Variants in CASS4 observed in about 807,000 individuals in gnomAD.
CASS4 encodes the protein Cas scaffold protein family member 4, also known as cas scaffolding protein family member 4.
CASS4 carries 22 observed loss-of-function variants against 54.2 expected under a neutral mutation model. That is an observed-to-expected ratio of 0.41 (90% CI 0.29 to 0.58). The LOEUF is 0.58. Ranked by LOEUF, CASS4 falls within the 20% of genes least tolerant of loss-of-function variation. The probability of loss-of-function intolerance (pLI) is 0.36; values close to 1 mark genes in which losing one functional copy is unlikely to be tolerated. For missense variants in CASS4, 854 were observed against 986.7 expected, an observed-to-expected ratio of 0.87 and a Z score of 1.80; for synonymous variants, 409 against 391.5, an observed-to-expected ratio of 1.04 and a Z score of -0.53.
rs533336238 is a variant in CASS4 at position 56,452,725 on chromosome 20, C to A, written c.1549C>A (p.Arg517=). ...LTDSNLQNRI[R]DQMQTISNSY... ...TGACAGTAACCTTCAGAACAGAATT[C>A]GGGACCAGATGCAGACCATCTCCAA... The change falls in exon 5 of 6, where the codon CGG becomes AGG. Residue 517 remains arginine (R), a synonymous_variant. Coordinates refer to ENST00000679887, the MANE Select transcript of CASS4 (RefSeq NM_020356.4). 1.1e-4 allele frequency: 175 copies of A among 1,614,084 alleles called. 2 individuals are homozygous for A. In the Middle Eastern group the frequency reaches 2.1e-3, roughly 20 times the overall value.
intron 1 of CASS4, among the ~76,000 whole-genome samples, chr20:56,428,912 G>T (rs1477300891): frequency 1.3e-5 from 2 of 151,076 alleles, no homozygotes; most frequent in Non-Finnish European, 2.9e-5. Flanking sequence ...AGCAATCAGT[G>T]TACCCCCCGA....
At chr20:56,422,877 T>A (rs1979473747) in intron 1 of CASS4, among the ~76,000 whole-genome samples, 2 of 152,252 alleles carry the variant, frequency 1.3e-5, no homozygotes, top group African/African-American at 4.8e-5. Flanking sequence ...TCCCTCCTCA[T>A]ATCCAAGTTC....
At chr20:56,416,379 G>A (rs993598459) in intron 1 of CASS4, among the ~76,000 whole-genome samples, 10 of 152,202 alleles carry the variant, frequency 6.6e-5, no homozygotes, top group African/African-American at 1.7e-4. Context: ...AACTAAAATT[G>A]TCTAAAAGAC....
intron 5 of CASS4, among the ~76,000 whole-genome samples, chr20:56,454,195 C>A (rs2024964): frequency 0.12 from 18,782 of 151,864 alleles, 3,250 homozygotes; most frequent in African/African-American, 0.38. Flanking sequence ...ACAACAACAA[C>A]AAAAAAACAA....
chr20:56,439,569 A>G (rs1271534052), intron 2 of CASS4, among the ~76,000 whole-genome samples: 1 of 151,768 alleles, frequency 6.6e-6, no homozygotes, highest in Non-Finnish European at 1.5e-5. Flanking sequence ...CCAGCTACTC[A>G]GGAGGCTGTG....
chr20:56,432,687 A>C (rs1021621595), intron 1 of CASS4, among the ~76,000 whole-genome samples: 3 of 152,024 alleles, frequency 2.0e-5, no homozygotes, highest in African/African-American at 7.3e-5. Flanking sequence ...ACCTTTAATC[A>C]ATACTCTTTA....
rs549667307 is a variant in CASS4, at chr20:56,449,650, T to TAATA, written c.562-935_562-932dup. Among the ~76,000 whole-genome samples the TAATA allele has an allele frequency of 2.0e-3, 310 of 151,546 alleles. 10 individuals carry two copies. The South Asian group carries it at 0.032, about 15-fold the overall frequency. ...ATTAAACTAATTACACAGATAAAAA[T>TAATA]AATAAATAAATAAATAATAAAATAA... On this transcript the variant is annotated intron_variant, in intron 3 of 5. Coordinates refer to ENST00000679887, the MANE Select transcript of CASS4 (RefSeq NM_020356.4).
intron 2 of CASS4, among the ~76,000 whole-genome samples, chr20:56,440,533 C>T (rs1417717673): frequency 6.6e-6 from 1 of 152,192 alleles, no homozygotes; most frequent in Non-Finnish European, 1.5e-5. Flanking sequence ...CCTCCCTGCT[C>T]ATGCCACTCA....
intron 5 of CASS4, among the ~76,000 whole-genome samples, chr20:56,454,947 TAA>T (rs1981219443): frequency 6.6e-6 from 1 of 152,182 alleles, no homozygotes; most frequent in Non-Finnish European, 1.5e-5. Context: ...AGTGAAGCAT[TAA>T]CCATTACTGA....
intron 2 of CASS4, among the ~76,000 whole-genome samples, chr20:56,443,841 A>G (rs1463281446): frequency 6.6e-6 from 1 of 152,138 alleles, no homozygotes; most frequent in Admixed American, 6.5e-5. Context: ...AGGGCCTGGG[A>G]ATCAAGGCTG....
intron 2 of CASS4, among the ~76,000 whole-genome samples, chr20:56,440,677 G>T (rs1264631134): frequency 6.6e-6 from 1 of 152,252 alleles, no homozygotes; most frequent in Non-Finnish European, 1.5e-5. Context: ...TGAAAGGAAA[G>T]ATGAGTTTAC....
At chr20:56,428,531 T>C (rs1169647926) in intron 1 of CASS4, among the ~76,000 whole-genome samples, 1 of 151,572 alleles carries the variant, frequency 6.6e-6, no homozygotes, top group East Asian at 1.9e-4. Context: ...GCCCAAGGAG[T>C]GATATTTTAA....
chr20:56,429,233 C>T (rs924864603), intron 1 of CASS4, among the ~76,000 whole-genome samples: 2 of 152,180 alleles, frequency 1.3e-5, no homozygotes, highest in African/African-American at 4.8e-5. Context: ...TGAAAGTGTG[C>T]GGGCCAGTTC....
chr20:56,440,351 T>G (rs1193537935), intron 2 of CASS4, among the ~76,000 whole-genome samples: 1 of 152,206 alleles, frequency 6.6e-6, no homozygotes, highest in East Asian at 1.9e-4. Context: ...TAACTTGAAT[T>G]TCTTCCAAAG....
In CASS4 at chr20:56,412,699, T is replaced by G. The variant is rs2146257652; in HGVS notation, c.36+205T>G. 6.6e-6 allele frequency among the ~76,000 whole-genome samples: 1 copy of G among 152,196 alleles called. No individual in the cohort carries two copies. The highest frequency in any genetic ancestry group is 1.9e-4 in the East Asian group (1 of 5,184). On this transcript the variant is annotated intron_variant, in intron 1 of 5. Coordinates refer to ENST00000679887, the MANE Select transcript of CASS4 (RefSeq NM_020356.4). This position sits in a 1 kb window ranked among gnomAD's most constrained non-coding sequence, Gnocchi z 4.2. ...CTTACCAGTTTGCATCCAAGATGGG[T>G]GAAAATGACTTTGTAGTAGAAATCA...
chr20:56,428,143 C>T (rs1772502496), intron 1 of CASS4, among the ~76,000 whole-genome samples: 1 of 152,156 alleles, frequency 6.6e-6, no homozygotes, highest in South Asian at 2.1e-4. Context: ...TGGAAACGGT[C>T]TCATGATCTC....
At chr20:56,458,259 A>T in intron 5 of CASS4, 81 bp from the exon 6 acceptor site, 1 of 1,407,130 alleles carries the variant, frequency 7.1e-7, no homozygotes, top group Admixed American at 2.2e-5. Context: ...AGTCTTGCAA[A>T]TCTAGCCAAA....
chr20:56,451,718 G>A, intron 4 of CASS4, 101 bp from the exon 5 acceptor site: 1 of 822,578 alleles, frequency 1.2e-6, no homozygotes, highest in Non-Finnish European at 2.0e-6. Flanking sequence ...GAAATGGGGA[G>A]CCACTGAAGG....
chr20:56,431,095 G>A (rs1979881893), intron 1 of CASS4, among the ~76,000 whole-genome samples: 1 of 152,294 alleles, frequency 6.6e-6, no homozygotes, highest in African/African-American at 2.4e-5. Context: ...GAATGGATGT[G>A]AGGAACCAAT....
Sources: allele counts gnomAD v4.1 joint callset (sites outside exome capture counted in the v4.1 genomes callset), GRCh38; gene constraint gnomAD v4.1.1; non-coding constraint Gnocchi (gnomAD v3.1); transcripts MANE v1.5; gene names NCBI Gene and HGNC (gene_info 2026-07-23, HGNC 2026-07-21).